The following KCNT1 variants were observed in gnomAD, a reference collection of about 807,000 sequenced individuals.
KCNT1 encodes the protein potassium channel subfamily T member 1.
In KCNT1, 78 loss-of-function variants were observed where a neutral mutation model predicts 147.8. The ratio of observed to expected loss-of-function variants is 0.53; its 90% confidence interval spans 0.44 to 0.64. KCNT1 has a LOEUF of 0.64. Among genes scored for constraint, KCNT1 ranks in the 30% least tolerant of loss-of-function variants. The pLI is 0.00. For synonymous variants in KCNT1, 867 were observed against 748.8 expected (o/e 1.16, Z -2.58); for missense variants, 1,419 against 1,750.3 (o/e 0.81, Z 3.38).
At chr9:135,784,496 T>G (rs1446961512) in intron 25 of KCNT1, 39 bp from the exon 26 acceptor site, 3 of 157,656 alleles carry the variant, frequency 1.9e-5, no homozygotes, top group Non-Finnish European at 3.5e-5. Context: ...CCTCCCTCCC[T>G]CCCTCCCTCC....
rs1831555885 is a variant in KCNT1 at position 135,757,210 on chromosome 9, A to C, written c.655A>C (p.Thr219Pro). 6.2e-7 allele frequency: 1 copy of C among 1,606,272 alleles called. No homozygotes were observed. The highest frequency in any genetic ancestry group is 8.5e-7 in the Non-Finnish European group (1 of 1,178,176). Residue 219 changes from threonine to proline, a missense_variant, in exon 8 of 31, where the codon ACT becomes CCT. Transcript: ENST00000371757. ...RVSFVLEMIN[T>P]LPFIITIFWP... ...GTCCTTCGTCCTGGAGATGATCAAC[A>C]CTCTGCCCTTCATCATCACGGTGGG... is the stretch of plus-strand genomic sequence containing the variant.
intron 19 of KCNT1, among the ~76,000 whole-genome samples, chr9:135,774,191 C>A (rs1832956771): frequency 7.2e-6 from 1 of 138,772 alleles, no homozygotes; most frequent in African/African-American, 2.7e-5. Context: ...TGATGTGTGT[C>A]TGAGTGGTAT....
At chr9:135,759,007 C>T (rs1202260982) in intron 10 of KCNT1, among the ~76,000 whole-genome samples, 1 of 152,252 alleles carries the variant, frequency 6.6e-6, no homozygotes, top group Non-Finnish European at 1.5e-5. Context: ...TTCCCGTCCC[C>T]AGGCAGGGAT....
intron 19 of KCNT1, among the ~76,000 whole-genome samples, chr9:135,773,250 C>T (rs1252405397): frequency 6.6e-6 from 1 of 152,168 alleles, no homozygotes; most frequent in Non-Finnish European, 1.5e-5. Context: ...AGCTCACTGG[C>T]ACAGGGGCTG....
rs1479237463 is a variant in KCNT1, at chr9:135,770,305, C to A, written c.1627C>A (p.Gln543Lys). The A allele has an allele frequency of 6.2e-7, 1 of 1,600,216 alleles. No homozygotes were observed. The highest frequency in any genetic ancestry group is 8.5e-7 in the Non-Finnish European group (1 of 1,172,304). The change falls in exon 17 of 31, where the codon CAG (glutamine) becomes AAG (lysine). Residue 543 changes from glutamine (Q) to lysine (K), a missense_variant. Gln to Lys is a moderately conservative substitution (Grantham distance 53). Around this residue, in one of 5 missense-constraint regions of KCNT1, gnomAD observed 401 missense variants for 610.6 expected, o/e 0.66. Coordinates refer to ENST00000371757, the MANE Select transcript of KCNT1 (RefSeq NM_020822.3). ...CCCCGCCCTGGCCCACAGGGAGGGA[C>A]AGGAGTCTCCGGAGCAGTGGCAGCG... ...LVHTSRGQEGQESPEQWQRMY... is the reference protein window; with the variant it reads ...LVHTSRGQEGKESPEQWQRMY...
intron 13 of KCNT1, among the ~76,000 whole-genome samples, chr9:135,768,050 AGG>A (rs1248123913): frequency 9.6e-6 from 1 of 104,344 alleles, no homozygotes; most frequent in Admixed American, 1.0e-4. Flanking sequence ...GCACACGCTC[AGG>A]GGACAGGTGT....
chr9:135,706,313 C>T (rs1835252690), intron 1 of KCNT1, among the ~76,000 whole-genome samples: 1 of 152,228 alleles, frequency 6.6e-6, no homozygotes, highest in Non-Finnish European at 1.5e-5. Context: ...CAGAGCTAAG[C>T]ATTTGTCCGG....
intron 2 of KCNT1, among the ~76,000 whole-genome samples, chr9:135,742,162 C>A (rs752528481): frequency 6.3e-4 from 96 of 152,218 alleles, no homozygotes; most frequent in Non-Finnish European, 9.8e-4. Context: ...CAGCTCTGAG[C>A]CCTGGCTTGT....
In KCNT1 at chr9:135,730,564, G is replaced by A. The variant is rs767065638; in HGVS notation, c.254+15844G>A. Among the ~76,000 whole-genome samples the A allele has an allele frequency of 2.6e-5, 4 of 152,268 alleles. No individual in the cohort carries two copies. The highest frequency in any genetic ancestry group is 2.9e-5 in the Non-Finnish European group (2 of 68,020). ...GAGCGATGGGAGGAGGGGCCCAGCC[G>A]GGGAGGGTGGTGGTCACCGGAAGCT... On this transcript the variant is annotated intron_variant, in intron 2 of 30. Transcript: ENST00000371757. This position sits in a 1 kb window ranked among gnomAD's most constrained non-coding sequence, Gnocchi z 4.7.
At position 135,757,153 on chromosome 9, in the gene KCNT1, C is replaced by T. The variant is rs1831549670; in HGVS notation, c.601-3C>T. On this transcript the variant is annotated splice_region_variant and splice_polypyrimidine_tract_variant and intron_variant, in intron 7 of 30. Transcript: ENST00000371757. Reference sequence around the variant, plus strand: ...CCCGCTGATACCCCCCGTTTGGCCCCAGGGCAACATCTGGGAGCAGATCTT... The same window carrying T: ...CCCGCTGATACCCCCCGTTTGGCCCTAGGGCAACATCTGGGAGCAGATCTT... 1 of 1,608,340 alleles carries T rather than the reference C, an allele frequency of 6.2e-7. No individual in the cohort carries two copies. The highest frequency in any genetic ancestry group is 8.5e-7 in the Non-Finnish European group (1 of 1,179,342).
intron 27 of KCNT1, 47 bp from the exon 28 acceptor site, chr9:135,785,263 G>C: frequency 6.2e-7 from 1 of 1,609,740 alleles, no homozygotes; most frequent in Non-Finnish European, 8.5e-7. Flanking sequence ...GGCGTGGGGG[G>C]CAGGGGTGCG....
At chr9:135,767,408 G>A (rs1254339931) in intron 13 of KCNT1, among the ~76,000 whole-genome samples, 1 of 146,800 alleles carries the variant, frequency 6.8e-6, no homozygotes, top group Non-Finnish European at 1.5e-5. Context: ...GGGCAGAGGC[G>A]ACAGTTTCTT....
At position 135,792,190 on chromosome 9, in the gene KCNT1, A is replaced by G. The variant is rs1057145696; in HGVS notation, c.*29A>G. 62 of 1,594,926 alleles carry G rather than the reference A, an allele frequency of 3.9e-5. No individual in the cohort carries two copies. The highest frequency in any genetic ancestry group is 5.2e-5 in the Non-Finnish European group (61 of 1,174,280). ...AGCCCTGCACGGAGCTCAGGCCACCAAGCCCGGGGTCCTCAGGAAGGACGT... is the reference window on the plus strand; with the variant it reads ...AGCCCTGCACGGAGCTCAGGCCACCGAGCCCGGGGTCCTCAGGAAGGACGT... On this transcript the variant is annotated 3_prime_UTR_variant, in exon 31 of 31. Transcript: ENST00000371757.
rs7023076 is a variant in KCNT1, at chr9:135,753,748, C to T, written c.435-189C>T. 1.0e-3 allele frequency: 625 copies of T among 621,930 alleles called. 3 individuals are homozygous for T. In the African/African-American group the frequency reaches 0.01, roughly 10 times the overall value. 38.5% of individuals were successfully genotyped at this position (621,930 alleles called of 1,614,324 possible). On this transcript the variant is annotated intron_variant, in intron 4 of 30. Coordinates refer to ENST00000371757, the MANE Select transcript of KCNT1 (RefSeq NM_020822.3). ...TCAGTTAGAGGCCCTCCTGCAGGAT[C>T]TCCGCAGTAGGTGGGGAGGGGGCAG...
Position 135,786,277 on chromosome 9 carries a change from A to G in KCNT1, c.3258A>G (p.Gly1086=). The G allele has an allele frequency of 6.2e-7, 1 of 1,609,478 alleles. No individual in the cohort carries two copies. Among genetic ancestry groups the G allele is most frequent in the Non-Finnish European group, 8.5e-7 (1 of 1,178,756 alleles). Residue 1086 remains glycine (G), a synonymous_variant, in exon 29 of 31, where the codon GGA becomes GGG. Transcript: ENST00000371757. ...CCTGGGGCTCCCGCGCTGGCACCGG[A>G]GGCAGCTCCCAGGGCCGCCACACGG... The part of the protein sequence containing the change: ...KGPWGSRAGT[G]GSSQGRHTGG...
chr9:135,728,873 C>T (rs764891582), intron 2 of KCNT1, among the ~76,000 whole-genome samples: 1 of 152,188 alleles, frequency 6.6e-6, no homozygotes, highest in Non-Finnish European at 1.5e-5. Flanking sequence ...ACCCTACCCC[C>T]GGGATTGTGA....
rs114063333 is a variant in KCNT1 at position 135,764,863 on chromosome 9, C to G, written c.1036-168C>G. On this transcript the variant is annotated intron_variant, in intron 11 of 30. Coordinates refer to ENST00000371757, the MANE Select transcript of KCNT1 (RefSeq NM_020822.3). ...GCTCTGTGTCATCTGAGGCTATCAG[C>G]ATCTACAGTTTCCATGTGGGAAAGG... is the stretch of plus-strand genomic sequence containing the variant. 0.012 allele frequency among the ~76,000 whole-genome samples: 1,840 copies of G among 152,278 alleles called. 32 individuals are homozygous for G. Among genetic ancestry groups the G allele is most frequent in the African/African-American group, 0.042 (1,741 of 41,554 alleles).
rs752514808 is a variant in KCNT1, at chr9:135,765,061, C to G, written c.1066C>G (p.Arg356Gly). 1 of 1,612,896 alleles carries G rather than the reference C, an allele frequency of 6.2e-7. No individual in the cohort carries two copies. The highest frequency in any genetic ancestry group is 1.1e-5 in the South Asian group (1 of 91,078). ...GGAGCTCGTCTACCTCTGGATGGAGCGGCAGAAGTCAGGGGGCAACTACAG... is the reference window on the plus strand; with the variant it reads ...GGAGCTCGTCTACCTCTGGATGGAGGGGCAGAAGTCAGGGGGCAACTACAG... ...FEELVYLWMERQKSGGNYSRH... is the reference protein window; with the variant it reads ...FEELVYLWMEGQKSGGNYSRH... Residue 356 changes from arginine (R) to glycine (G), a missense_variant, in exon 12 of 31, where the codon CGG (arginine) becomes GGG (glycine). Physicochemically the swap from Arg to Gly is moderately radical, Grantham distance 125. This residue lies in a region of KCNT1 where 401 missense variants were observed against 610.6 expected (regional missense o/e 0.66). Transcript: ENST00000371757.
intron 9 of KCNT1, 101 bp downstream of exon 9, chr9:135,757,482 C>G: frequency 9.7e-7 from 1 of 1,030,280 alleles, no homozygotes; most frequent in South Asian, 1.3e-5. Flanking sequence ...CGCCCCGGCC[C>G]TGGCATGACC....
Sources: allele counts gnomAD v4.1 joint callset (sites outside exome capture counted in the v4.1 genomes callset), GRCh38; gene constraint gnomAD v4.1.1; regional missense constraint gnomAD v4.1.1; non-coding constraint Gnocchi (gnomAD v3.1); transcripts MANE v1.5; gene names NCBI Gene and HGNC (gene_info 2026-07-23, HGNC 2026-07-21).